The following UCK2 variants were observed in gnomAD, a reference collection of about 807,000 sequenced individuals.
The protein encoded by UCK2 is uridine-cytidine kinase 2, also known as cytidine monophosphokinase 2.
Under a neutral mutation model 30.8 loss-of-function variants are expected in UCK2, and 6 were observed. That is an observed-to-expected ratio of 0.19 (90% confidence interval 0.11 to 0.38). UCK2 has a LOEUF of 0.38. Among genes scored for constraint, UCK2 ranks in the 10% least tolerant of loss-of-function variants. The pLI is 1.00. For missense variants in UCK2, 210 were observed against 339.8 expected, an observed-to-expected ratio of 0.62 and a Z score of 3.00; for synonymous variants, 125 against 133.6, an observed-to-expected ratio of 0.94 and a Z score of 0.45.
chr1:165,877,950 G>C (rs371050985), intron 1 of UCK2, among the ~76,000 whole-genome samples: 1 of 152,134 alleles, frequency 6.6e-6, no homozygotes, highest in East Asian at 1.9e-4. Flanking sequence ...AGAGAGGTAC[G>C]TTGGTCACAG....
rs539470091 is a variant in UCK2 at position 165,860,512 on chromosome 1, A to C, written c.100-29692A>C. Among the ~76,000 whole-genome samples the C allele has an allele frequency of 7.9e-4, 120 of 152,084 alleles. 2 individuals are homozygous for C. The highest frequency in any genetic ancestry group is 2.1e-4 in the Non-Finnish European group (14 of 68,000). ...TGCCCAGGCGGGAGTGCAGTGGTGC[A>C]ATTGCAGCTCACTGCAGCTTCGACC... On this transcript the variant is annotated intron_variant, in intron 1 of 6. Coordinates refer to ENST00000367879, the MANE Select transcript of UCK2 (RefSeq NM_012474.5).
At chr1:165,900,993 T>A (rs1647440199) in intron 4 of UCK2, among the ~76,000 whole-genome samples, 2 of 152,182 alleles carry the variant, frequency 1.3e-5, no homozygotes, top group Non-Finnish European at 2.9e-5. Flanking sequence ...CCGCGCTGGC[T>A]GTGTGTTTTG....
At chr1:165,865,856 C>T (rs1655032876) in intron 1 of UCK2, among the ~76,000 whole-genome samples, 1 of 152,216 alleles carries the variant, frequency 6.6e-6, no homozygotes, top group Non-Finnish European at 1.5e-5. Context: ...CTTTCATCAA[C>T]AGTGACAGAA....
chr1:165,879,571 T>TA (rs1553199402), intron 1 of UCK2, among the ~76,000 whole-genome samples: 2 of 150,870 alleles, frequency 1.3e-5, no homozygotes, highest in Non-Finnish European at 3.0e-5. Context: ...TTATTATTAT[T>TA]TTGTCAGTAG....
chr1:165,863,926 G>A (rs1280132407), intron 1 of UCK2, among the ~76,000 whole-genome samples: 1 of 152,184 alleles, frequency 6.6e-6, no homozygotes, highest in Non-Finnish European at 1.5e-5. Flanking sequence ...CACCTTATGT[G>A]TTTTATAAAA....
intron 1 of UCK2, among the ~76,000 whole-genome samples, chr1:165,864,133 A>G (rs143570973): frequency 0.011 from 1,672 of 152,274 alleles, 50 homozygotes; most frequent in African/African-American, 0.038. Flanking sequence ...TTTTTAGTAG[A>G]GACAGGCTTT....
At chr1:165,870,797 G>A (rs1024029778) in intron 1 of UCK2, among the ~76,000 whole-genome samples, 10 of 152,208 alleles carry the variant, frequency 6.6e-5, no homozygotes. Context: ...TTTACAGAAG[G>A]CTTCATTGGA....
intron 5 of UCK2, among the ~76,000 whole-genome samples, chr1:165,905,517 T>A (rs1450979813): frequency 6.6e-6 from 1 of 151,960 alleles, no homozygotes; most frequent in Non-Finnish European, 1.5e-5. Context: ...AGAATTTGAA[T>A]AAAAGCTAAA....
At chr1:165,878,991 G>A (rs1655408736) in intron 1 of UCK2, among the ~76,000 whole-genome samples, 1 of 152,128 alleles carries the variant, frequency 6.6e-6, no homozygotes, top group Non-Finnish European at 1.5e-5. Context: ...TGTTGTCAGT[G>A]TTCTACATTT....
At chr1:165,878,474 G>A (rs7535484) in intron 1 of UCK2, among the ~76,000 whole-genome samples, 1 of 152,040 alleles carries the variant, frequency 6.6e-6, no homozygotes, top group Non-Finnish European at 1.5e-5. Flanking sequence ...GGGACTACAG[G>A]TGCGTGCCAC....
At chr1:165,840,095 T>G (rs985486174) in intron 1 of UCK2, among the ~76,000 whole-genome samples, 1 of 152,224 alleles carries the variant, frequency 6.6e-6, no homozygotes, top group Non-Finnish European at 1.5e-5. Flanking sequence ...CTTGTTGTAT[T>G]TTTAGTAGAG....
At chr1:165,832,102 A>G (rs1185841711) in intron 1 of UCK2, among the ~76,000 whole-genome samples, 1 of 152,162 alleles carries the variant, frequency 6.6e-6, no homozygotes, top group East Asian at 1.9e-4. Flanking sequence ...CACACAGACC[A>G]TCTTACTGAA....
At chr1:165,859,814 A>G (rs1039170195) in intron 1 of UCK2, among the ~76,000 whole-genome samples, 1 of 152,132 alleles carries the variant, frequency 6.6e-6, no homozygotes, top group Non-Finnish European at 1.5e-5. Flanking sequence ...CCCTGTCTCA[A>G]TAAGATCAAT....
Position 165,896,122 on chromosome 1 carries a change from G to A in UCK2, c.357-68G>A, listed in dbSNP as rs78989598. The A allele has an allele frequency of 8.7e-4, 1,387 of 1,595,594 alleles. 14 individuals are homozygous for A. In the African/African-American group the frequency reaches 0.016, roughly 19 times the overall value. On this transcript the variant is annotated intron_variant, in intron 3 of 6. Transcript: ENST00000367879. The stretch of plus-strand genomic sequence containing the variant: ...AGAACCCAGCCCAGCCAGATGTTCT[G>A]GCCCTTGTTCTCTGTCCCTTGCTAG...
rs148987047 is a variant in UCK2 at position 165,876,890 on chromosome 1, G to A, written c.100-13314G>A. On this transcript the variant is annotated intron_variant, in intron 1 of 6. Coordinates refer to ENST00000367879, the MANE Select transcript of UCK2 (RefSeq NM_012474.5). Reference sequence around the variant, plus strand: ...TTATATGGCTTTCCCTCATGTCTCCGTGTCTTCACCTTTTCTGTTTCTTAG... The same window carrying A: ...TTATATGGCTTTCCCTCATGTCTCCATGTCTTCACCTTTTCTGTTTCTTAG... Among the ~76,000 whole-genome samples the A allele has an allele frequency of 6.3e-3, 958 of 152,216 alleles. 9 individuals are homozygous for A. Among genetic ancestry groups the A allele is most frequent in the African/African-American group, 0.022 (905 of 41,536 alleles).
chr1:165,865,649 C>T (rs1429918145), intron 1 of UCK2, among the ~76,000 whole-genome samples: 1 of 152,156 alleles, frequency 6.6e-6, no homozygotes, highest in Admixed American at 6.6e-5. Context: ...ACTGTCCATT[C>T]CGTTGCACTA....
chr1:165,831,048 C>T lies in UCK2; in HGVS notation c.99+3116C>T, dbSNP rs978921255. ...GCTTGAGTATGGGAGGTCGAGGCTG[C>T]AGTGAGCTGTGATTGTGCCACTACA... On this transcript the variant is annotated intron_variant, in intron 1 of 6. Transcript: ENST00000367879. Among the ~76,000 whole-genome samples, 4 of 152,066 alleles carry T rather than the reference C, an allele frequency of 2.6e-5. No homozygotes were observed. In the South Asian group the frequency reaches 8.3e-4, roughly 32 times the overall value.
chr1:165,861,788 G>A (rs1159458581), intron 1 of UCK2, among the ~76,000 whole-genome samples: 1 of 152,144 alleles, frequency 6.6e-6, no homozygotes, highest in Non-Finnish European at 1.5e-5. Flanking sequence ...CCTTGTCCAA[G>A]GTCAGACAGC....
chr1:165,882,049 C>G (rs769410336), intron 1 of UCK2, among the ~76,000 whole-genome samples: 13 of 152,158 alleles, frequency 8.5e-5, no homozygotes, highest in African/African-American at 1.4e-4. Flanking sequence ...CTGTTAATAG[C>G]CTTGTGGGTT....
Sources: gnomAD v4.1 joint callset for allele counts (sites outside exome capture counted in the v4.1 genomes callset) on GRCh38, gnomAD v4.1.1 for gene constraint, MANE v1.5 for transcripts, NCBI Gene and HGNC (gene_info 2026-07-23, HGNC 2026-07-21) for gene names.